RBPJ: variants seen among roughly 807,000 people sequenced by gnomAD.
RBPJ encodes the protein recombination signal binding protein for immunoglobulin kappa J region, also known as recombining binding protein suppressor of hairless.
In RBPJ, 9 loss-of-function variants were observed where a neutral mutation model predicts 67.8. The observed-to-expected ratio is 0.13, with a 90% confidence interval of 0.08 to 0.23. The LOEUF (loss-of-function observed/expected upper bound fraction) is 0.23. Among genes scored for constraint, RBPJ ranks in the 10% least tolerant of loss-of-function variants. The probability of loss-of-function intolerance (pLI) is 1.00; values close to 1 mark genes in which losing one functional copy is unlikely to be tolerated. For missense variants in RBPJ, 305 were observed against 595.6 expected, an observed-to-expected ratio of 0.51 and a Z score of 5.08; for synonymous variants, 198 against 203.3, an observed-to-expected ratio of 0.97 and a Z score of 0.22.
intron 1 of RBPJ, among the ~76,000 whole-genome samples, chr4:26,205,331 A>G (rs1718132581): frequency 6.6e-6 from 1 of 152,176 alleles, no homozygotes; most frequent in South Asian, 2.1e-4. Flanking sequence ...GAAGAACCCA[A>G]CACAGACCAT....
intron 1 of RBPJ, among the ~76,000 whole-genome samples, chr4:26,203,619 A>G (rs780064240): frequency 9.2e-5 from 14 of 152,166 alleles, no homozygotes; most frequent in Admixed American, 6.5e-4. Flanking sequence ...CTCAGACCAA[A>G]GGCTCTGTTG....
chr4:26,256,289 GA>G (rs34220565), intron 1 of RBPJ, among the ~76,000 whole-genome samples: 13,137 of 127,666 alleles, frequency 0.1, 1,651 homozygotes, highest in African/African-American at 0.31. Flanking sequence ...CTGGCTTCTG[GA>G]AAAAAAAAAA....
intron 1 of RBPJ, among the ~76,000 whole-genome samples, chr4:26,365,327 A>C (rs905627603): frequency 6.6e-6 from 1 of 152,046 alleles, no homozygotes; most frequent in Non-Finnish European, 1.5e-5. Context: ...GCTTTTTCTC[A>C]TCAGTGAAAG....
At chr4:26,329,355 G>T (rs1490540817) in intron 1 of RBPJ, among the ~76,000 whole-genome samples, 1 of 152,164 alleles carries the variant, frequency 6.6e-6, no homozygotes, top group Non-Finnish European at 1.5e-5. Context: ...ATTGGAATTG[G>T]TGGACACCAT....
rs6853254 is a variant in RBPJ, at chr4:26,350,741, T to G, written c.20+29693T>G. Among the ~76,000 whole-genome samples the G allele has an allele frequency of 0.7, 106,800 of 152,108 alleles. 37,820 individuals carry two copies. The highest frequency in any genetic ancestry group is 0.84 in the East Asian group (4,371 of 5,184). On this transcript the variant is annotated intron_variant, in intron 1 of 10. Transcript: ENST00000355476. ...GATTAGATGTGGCATGTGAAGTAAA[T>G]ACAGAATTCAAAGATGATTCCCTGG...
At chr4:26,351,357 T>A (rs1726781084) in intron 1 of RBPJ, among the ~76,000 whole-genome samples, 1 of 152,102 alleles carries the variant, frequency 6.6e-6, no homozygotes, top group African/African-American at 2.4e-5. Context: ...TACTTAGGTC[T>A]CCAGGCATCA....
intron 1 of RBPJ, among the ~76,000 whole-genome samples, chr4:26,177,150 G>A (rs1716824476): frequency 6.6e-6 from 1 of 152,082 alleles, no homozygotes; most frequent in Non-Finnish European, 1.5e-5. Context: ...CTCCCGGGGA[G>A]AATTACTGTG....
intron 2 of RBPJ, among the ~76,000 whole-genome samples, chr4:26,398,858 T>A (rs1732448705): frequency 6.6e-6 from 1 of 152,144 alleles, no homozygotes. Context: ...GTGATCTGCC[T>A]GCCTCAGCCT....
At chr4:26,153,168 CT>C in the RBPJ span, among the ~76,000 whole-genome samples, 1 of 152,214 alleles carries the variant, frequency 6.6e-6, no homozygotes, top group African/African-American at 2.4e-5. Flanking sequence ...GTGACCCTAG[CT>C]CAGCCACCCA....
At chr4:26,110,877 G>A in the RBPJ span, among the ~76,000 whole-genome samples, 2 of 152,176 alleles carry the variant, frequency 1.3e-5, no homozygotes, top group African/African-American at 2.4e-5. The surrounding 1 kb of genome is among the most constrained non-coding windows in gnomAD (Gnocchi z 4.5). Flanking sequence ...AGTCTCTCTG[G>A]TGAGGTTCTG....
At chr4:26,395,991 T>C (rs12648802) in intron 2 of RBPJ, among the ~76,000 whole-genome samples, 75,632 of 152,046 alleles carry the variant, frequency 0.5, 20,055 homozygotes, top group Admixed American at 0.62. Flanking sequence ...TGTTTCTCTT[T>C]ATGATTCATC....
the RBPJ span, among the ~76,000 whole-genome samples, chr4:26,142,507 A>G: frequency 1.3e-5 from 2 of 152,232 alleles, no homozygotes; most frequent in African/African-American, 4.8e-5. Context: ...AGTTGGGAGT[A>G]GAAGGCTCTT....
intron 1 of RBPJ, among the ~76,000 whole-genome samples, chr4:26,178,909 T>C (rs532269301): frequency 3.9e-5 from 6 of 152,302 alleles, no homozygotes; most frequent in Admixed American, 3.9e-4. Context: ...AAATAAGTTA[T>C]ATAAGCCCAC....
At chr4:26,196,547 A>G (rs540355361) in intron 1 of RBPJ, among the ~76,000 whole-genome samples, 29 of 152,318 alleles carry the variant, frequency 1.9e-4, no homozygotes, top group Admixed American at 1.6e-3. Flanking sequence ...AAACCTATGA[A>G]TTGCTTACTG....
chr4:26,252,806 G>A (rs927714556), intron 1 of RBPJ, among the ~76,000 whole-genome samples: 3 of 152,132 alleles, frequency 2.0e-5, no homozygotes, highest in Non-Finnish European at 4.4e-5. Flanking sequence ...TTTTGGATTC[G>A]AGTTGAATGC....
At chr4:26,287,120 G>A (rs1721493381) in intron 1 of RBPJ, among the ~76,000 whole-genome samples, 1 of 152,098 alleles carries the variant, frequency 6.6e-6, no homozygotes, top group South Asian at 2.1e-4. Flanking sequence ...ACATTTTCAG[G>A]TGAAAAAGAC....
At chr4:26,333,833 G>T (rs1407705798) in intron 1 of RBPJ, among the ~76,000 whole-genome samples, 4 of 152,104 alleles carry the variant, frequency 2.6e-5, no homozygotes, top group Non-Finnish European at 4.4e-5. Flanking sequence ...GGGACTACAG[G>T]CTTGCACTAC....
intron 1 of RBPJ, among the ~76,000 whole-genome samples, chr4:26,376,493 A>T (rs1729749720): frequency 6.6e-6 from 1 of 152,234 alleles, no homozygotes; most frequent in Admixed American, 6.5e-5. Flanking sequence ...CATCATATGT[A>T]TGTATGTACC....
At chr4:26,133,488 A>C in the RBPJ span, among the ~76,000 whole-genome samples, 1 of 152,178 alleles carries the variant, frequency 6.6e-6, no homozygotes, top group Non-Finnish European at 1.5e-5. Context: ...GGGGGCCCCT[A>C]ACCCCAGGCT....
Sources: gnomAD v4.1 joint callset for allele counts (sites outside exome capture counted in the v4.1 genomes callset) on GRCh38, gnomAD v4.1.1 for gene constraint, Gnocchi (gnomAD v3.1) non-coding constraint, MANE v1.5 for transcripts, NCBI Gene and HGNC (gene_info 2026-07-23, HGNC 2026-07-21) for gene names.